Variants in RNLS observed in about 807,000 individuals in gnomAD.
The protein encoded by RNLS is renalase, FAD dependent amine oxidase.
A neutral mutation model predicts 39.8 loss-of-function variants in RNLS; 39 were observed. That is an observed-to-expected ratio of 0.98 (90% CI 0.76 to 1.28). RNLS has a LOEUF of 1.28. RNLS is among the 50% of genes most tolerant of loss of function. The probability of loss-of-function intolerance (pLI) is 0.00; values close to 1 mark genes in which losing one functional copy is unlikely to be tolerated. For missense variants in RNLS, 410 were observed against 413.3 expected, an observed-to-expected ratio of 0.99 and a Z score of 0.07; for synonymous variants, 147 against 150.7, an observed-to-expected ratio of 0.98 and a Z score of 0.18.
At chr10:88,434,860 C>A (rs1368027281) in intron 4 of RNLS, among the ~76,000 whole-genome samples, 1 of 151,716 alleles carries the variant, frequency 6.6e-6, no homozygotes, top group Admixed American at 6.6e-5. Flanking sequence ...TGCCTCTTCC[C>A]ATACAAAATT....
the RNLS span, among the ~76,000 whole-genome samples, chr10:88,207,618 A>G: frequency 6.6e-6 from 1 of 152,188 alleles, no homozygotes; most frequent in Non-Finnish European, 1.5e-5. Context: ...GATAAAGCTT[A>G]TGTAATTTGC....
chr10:88,284,722 G>A lies in RNLS; in HGVS notation c.*632C>T. 1 of 985,290 alleles carries A rather than the reference G, an allele frequency of 1.0e-6. No individual in the cohort carries two copies. Among genetic ancestry groups the A allele is most frequent in the Non-Finnish European group, 1.2e-6 (1 of 829,898 alleles). 61.0% of individuals were successfully genotyped at this position (985,290 alleles called of 1,614,324 possible). A position where few individuals can be genotyped will look rare whatever the true frequency, so the allele number is the denominator to read the frequency against. On this transcript the variant is annotated 3_prime_UTR_variant, in exon 7 of 7. Coordinates refer to ENST00000331772, the MANE Select transcript of RNLS (RefSeq NM_001031709.3). ...TTTGAAAGTTAAAAAGTACTGTGTG[G>A]CTGGGAAAATCATGTGGAATCTTAT...
At chr10:88,552,765 G>A (rs1287551355) in intron 4 of RNLS, among the ~76,000 whole-genome samples, 1 of 151,970 alleles carries the variant, frequency 6.6e-6, no homozygotes, top group Non-Finnish European at 1.5e-5. Flanking sequence ...ATAGGGAATA[G>A]CTTAAAATGT....
intron 4 of RNLS, among the ~76,000 whole-genome samples, chr10:88,399,072 A>G (rs1026818769): frequency 6.6e-6 from 1 of 152,048 alleles, no homozygotes; most frequent in Admixed American, 6.6e-5. Flanking sequence ...AATGGAAATC[A>G]AAACCACAAT....
At chr10:88,411,851 A>AAGAGTGTTCCAAGTAGAAC (rs139363960) in intron 4 of RNLS, among the ~76,000 whole-genome samples, 10,693 of 152,102 alleles carry the variant, frequency 0.07, 503 homozygotes, top group Non-Finnish European at 0.11. Context: ...CCAGGCAGAA[A>AAGAGTGTTCCAAGTAGAAC]AGAGTGTTCC....
At chr10:88,273,212 T>C (rs1362489598), downstream of RNLS, among the ~76,000 whole-genome samples, 3 of 152,230 alleles carry the variant, frequency 2.0e-5, no homozygotes, top group Non-Finnish European at 2.9e-5. Context: ...GCTGCTAGTC[T>C]TGGTTCTGCC....
intron 4 of RNLS, among the ~76,000 whole-genome samples, chr10:88,490,858 T>G (rs1844834768): frequency 6.6e-6 from 1 of 152,098 alleles, no homozygotes; most frequent in Admixed American, 6.6e-5. Context: ...CATTTCAAAA[T>G]CCTATCAAAA....
At chr10:88,282,481 AC>A (rs1843052400), downstream of RNLS, among the ~76,000 whole-genome samples, 3 of 3,536 alleles carry the variant, frequency 8.5e-4, no homozygotes, top group Admixed American at 0.01. Flanking sequence ...GTGAAAATAC[AC>A]ACACACACAC....
intron 4 of RNLS, among the ~76,000 whole-genome samples, chr10:88,418,318 C>T (rs1854165930): frequency 6.6e-6 from 1 of 152,046 alleles, no homozygotes; most frequent in Admixed American, 6.6e-5. Flanking sequence ...ATGACTTTTC[C>T]TCAGTCACTC....
chr10:88,216,866 C>T, the RNLS span, among the ~76,000 whole-genome samples: 696 of 152,366 alleles, frequency 4.6e-3, 3 homozygotes, highest in Admixed American at 6.9e-3. Context: ...CACGATGCTG[C>T]AGTCCCTGGG....
the RNLS span, among the ~76,000 whole-genome samples, chr10:88,215,205 T>C: frequency 6.6e-5 from 10 of 151,950 alleles, no homozygotes; most frequent in East Asian, 1.5e-3. Flanking sequence ...TTAGTAGTTA[T>C]ACTAATAATG....
chr10:88,484,827 T>C (rs753995225), intron 4 of RNLS, among the ~76,000 whole-genome samples: 8 of 151,890 alleles, frequency 5.3e-5, no homozygotes, highest in Non-Finnish European at 8.8e-5. Context: ...AGAAAAAAAA[T>C]ACAAGACATT....
chr10:88,251,445 G>A, the RNLS span, among the ~76,000 whole-genome samples: 1 of 152,180 alleles, frequency 6.6e-6, no homozygotes, highest in Non-Finnish European at 1.5e-5. Context: ...TTTTATCATT[G>A]ATTAATGCAC....
intron 5 of RNLS, among the ~76,000 whole-genome samples, chr10:88,339,640 G>C (rs1272130663): frequency 6.6e-6 from 1 of 152,162 alleles, no homozygotes; most frequent in African/African-American, 2.4e-5. Flanking sequence ...AGTGACCAGG[G>C]ACAAGCTGAA....
intron 4 of RNLS, among the ~76,000 whole-genome samples, chr10:88,397,088 G>A (rs1318934305): frequency 1.3e-5 from 2 of 151,708 alleles, no homozygotes; most frequent in African/African-American, 4.8e-5. Context: ...AGAAATAGAG[G>A]ACTTGAACAA....
chr10:88,515,314 T>C (rs1001400322), intron 4 of RNLS, among the ~76,000 whole-genome samples: 2 of 152,094 alleles, frequency 1.3e-5, no homozygotes. Flanking sequence ...TTACTTACTG[T>C]TCCTGTCTCA....
chr10:88,489,859 A>G (rs771016686), intron 4 of RNLS, among the ~76,000 whole-genome samples: 4 of 152,158 alleles, frequency 2.6e-5, no homozygotes, highest in Admixed American at 6.6e-5. Context: ...GTGAGGCAAG[A>G]CGGAAAATTC....
At chr10:88,190,092 C>T in the RNLS span, among the ~76,000 whole-genome samples, 4 of 152,356 alleles carry the variant, frequency 2.6e-5, no homozygotes, top group Admixed American at 1.3e-4. Flanking sequence ...GGGGTCCCCA[C>T]TCTTTGGTAC....
the RNLS span, among the ~76,000 whole-genome samples, chr10:88,202,624 G>A: frequency 6.6e-6 from 1 of 152,094 alleles, no homozygotes; most frequent in Non-Finnish European, 1.5e-5. Flanking sequence ...CGTAGAGAGG[G>A]CACAAAGGAC....
Sources: allele counts gnomAD v4.1 joint callset (sites outside exome capture counted in the v4.1 genomes callset), GRCh38; gene constraint gnomAD v4.1.1; transcripts MANE v1.5; gene names NCBI Gene and HGNC (gene_info 2026-07-23, HGNC 2026-07-21).